The following RTKN2 variants were observed in gnomAD, a reference collection of about 807,000 sequenced individuals.
RTKN2 encodes rhotekin 2.
A neutral mutation model predicts 71.5 loss-of-function variants in RTKN2; 69 were observed. The ratio of observed to expected loss-of-function variants is 0.96; its 90% CI spans 0.79 to 1.18. The LOEUF (loss-of-function observed/expected upper bound fraction) is 1.18. Among genes scored for constraint, RTKN2 ranks in the 50% most tolerant of loss-of-function variants. RTKN2 has a pLI of 0.00. For missense variants in RTKN2, 724 were observed against 719.7 expected (o/e 1.01, Z -0.07); for synonymous variants, 236 against 236.5 (o/e 1.00, Z 0.02).
intron 6 of RTKN2, among the ~76,000 whole-genome samples, chr10:62,227,236 G>A (rs150386428): frequency 2.7e-4 from 41 of 152,090 alleles, no homozygotes; most frequent in Middle Eastern, 3.4e-3. Flanking sequence ...AAGAAAAATA[G>A]ATAGAAAAAT....
At chr10:62,208,820 A>C (rs1841600004) in intron 9 of RTKN2, among the ~76,000 whole-genome samples, 1 of 152,204 alleles carries the variant, frequency 6.6e-6, no homozygotes, top group Admixed American at 6.5e-5. Flanking sequence ...TGTAATCCTT[A>C]ATGAAATAAA....
In RTKN2 at chr10:62,218,276, C is replaced by T; in HGVS notation, c.807G>A (p.Leu269=). The T allele has an allele frequency of 6.2e-7, 1 of 1,610,536 alleles. No individual in the cohort carries two copies. The part of the protein sequence containing the change: ...GNEESSFWLP[L]YGNMCCRLVA... ...CTAGTCGGCAGCACATGTTGCCATA[C>T]AGGGGAAGCCAAAATGAAGACTCCT... The change falls in exon 8 of 12, where the codon CTG becomes CTA. Residue 269 remains leucine (L), a synonymous_variant. Transcript: ENST00000373789.
At chr10:62,208,029 T>C (rs1363201351) in intron 9 of RTKN2, among the ~76,000 whole-genome samples, 1 of 152,118 alleles carries the variant, frequency 6.6e-6, no homozygotes, top group Non-Finnish European at 1.5e-5. Flanking sequence ...TTTTCGTCAG[T>C]CTGCAATTTT....
Position 62,217,100 on chromosome 10 carries a change from A to C in RTKN2, c.1020+18T>G. Reference sequence around the variant, plus strand: ...TCCTAAGATGTATATTTTTTTCTCAAAATAGCATTTCCTTTACCTTGTTAA... The same window carrying C: ...TCCTAAGATGTATATTTTTTTCTCACAATAGCATTTCCTTTACCTTGTTAA... On this transcript the variant is annotated intron_variant, in intron 9 of 11. Coordinates refer to ENST00000373789, the MANE Select transcript of RTKN2 (RefSeq NM_145307.4). The C allele has an allele frequency of 6.5e-7, 1 of 1,544,944 alleles. No homozygotes were observed.
In RTKN2 at chr10:62,236,209, T is replaced by C. The variant is rs1246639100; in HGVS notation, c.543A>G (p.Thr181=). The part of the protein sequence containing the change: ...QIKVEVYSCC[T]EESSITNTPK... Reference sequence around the variant, plus strand: ...GTGTGTTGGTTATAGAAGATTCTTCTGTACAGCAACTATACACTTCCACCT... The same window carrying C: ...GTGTGTTGGTTATAGAAGATTCTTCCGTACAGCAACTATACACTTCCACCT... The change falls in exon 6 of 12, where the codon ACA becomes ACG. Residue 181 remains threonine (T), a synonymous_variant. Transcript: ENST00000373789. The C allele has an allele frequency of 1.2e-6, 2 of 1,612,270 alleles. No homozygotes were observed. The highest frequency in any genetic ancestry group is 1.3e-5 in the African/African-American group (1 of 74,980).
At chr10:62,210,828 T>A (rs1258539164) in intron 9 of RTKN2, among the ~76,000 whole-genome samples, 1 of 152,018 alleles carries the variant, frequency 6.6e-6, no homozygotes, top group Non-Finnish European at 1.5e-5. Context: ...GTTTGAAAAA[T>A]TATTTTTGCT....
intron 9 of RTKN2, among the ~76,000 whole-genome samples, chr10:62,216,830 A>T (rs959738305): frequency 1.3e-5 from 2 of 152,092 alleles, no homozygotes; most frequent in African/African-American, 4.8e-5. Context: ...CTCTTAAGTA[A>T]ATTCATAAAA....
Position 62,198,176 on chromosome 10 carries a change from T to C in RTKN2, c.1562A>G (p.Asn521Ser). The C allele has an allele frequency of 2.5e-6, 4 of 1,614,136 alleles. No homozygotes were observed. The highest frequency in any genetic ancestry group is 2.5e-6 in the Non-Finnish European group (3 of 1,179,976). ...KLPFSLKSQSNTDQLVKDNWG... is the reference protein window; with the variant it reads ...KLPFSLKSQSSTDQLVKDNWG... ...GTTGTCCTTAACCAATTGATCTGTG[T>C]TACTCTGTGATTTTAAGCTGAATGG... Residue 521 changes from asparagine (N) to serine (S), a missense_variant, in exon 12 of 12, where the codon AAC (asparagine) becomes AGC (serine). Asn to Ser is a conservative substitution (Grantham distance 46). Coordinates refer to ENST00000373789, the MANE Select transcript of RTKN2 (RefSeq NM_145307.4).
At chr10:62,190,704 G>A (rs1348259367), downstream of RTKN2, among the ~76,000 whole-genome samples, 2 of 152,090 alleles carry the variant, frequency 1.3e-5, no homozygotes, top group East Asian at 1.9e-4. Context: ...CCAAGACAAC[G>A]TGGCTAGTTA....
At chr10:62,266,830 G>A (rs1842877343) in intron 1 of RTKN2, among the ~76,000 whole-genome samples, 2 of 152,144 alleles carry the variant, frequency 1.3e-5, no homozygotes, top group African/African-American at 2.4e-5. Context: ...AAGCTACAAC[G>A]GTGGAAACTG....
At position 62,206,927 on chromosome 10, in the gene RTKN2, T is replaced by C. The variant is rs915026472; in HGVS notation, c.1021-1905A>G. On this transcript the variant is annotated intron_variant, in intron 9 of 11. Coordinates refer to ENST00000373789, the MANE Select transcript of RTKN2 (RefSeq NM_145307.4). ...CTTATAATCACAAGCAGAGAATGAC[T>C]TAAGCTCTAGGAAGAATCTTTGATA... Among the ~76,000 whole-genome samples the C allele has an allele frequency of 3.9e-5, 6 of 152,002 alleles. No individual in the cohort carries two copies. In the East Asian group the frequency reaches 5.8e-4, roughly 15 times the overall value.
chr10:62,195,606 T>TGAATGAAGGAAGGAAGGAAGGAAG lies in RTKN2; in HGVS notation c.*2301_*2302insCTTCCTTCCTTCCTTCCTTCATTC, dbSNP rs1168688410. 4 of 301,768 alleles carry TGAATGAAGGAAGGAAGGAAGGAAG rather than the reference T, an allele frequency of 1.3e-5. No homozygotes were observed. The highest frequency in any genetic ancestry group is 1.2e-4 in the South Asian group (1 of 8,572). 18.7% of individuals were successfully genotyped at this position (301,768 alleles called of 1,614,324 possible). ...GGGAAGGAGAGACGGACAGAGGGAA[T>TGAATGAAGGAAGGAAGGAAGGAAG]GAAGGAAGGAAGGAAGGAAGGAAGG... On this transcript the variant is annotated 3_prime_UTR_variant, in exon 12 of 12. Transcript: ENST00000373789.
downstream of RTKN2, among the ~76,000 whole-genome samples, chr10:62,189,058 C>CTTT (rs34303718): frequency 0.18 from 24,113 of 135,358 alleles, 2,498 homozygotes; most frequent in African/African-American, 0.26. Context: ...ATATTTCCTA[C>CTTT]TTTTTTTTTT....
chr10:62,259,646 A>G (rs1398766846), intron 2 of RTKN2, among the ~76,000 whole-genome samples: 1 of 152,112 alleles, frequency 6.6e-6, no homozygotes, highest in African/African-American at 2.4e-5. Context: ...TGATATCCCA[A>G]GCTTGAGCAA....
exon 9 of RTKN2, chr10:62,184,387 T>G (rs912079354): frequency 6.5e-7 from 1 of 1,530,078 alleles, no homozygotes; most frequent in South Asian, 1.2e-5. Context: ...TTACTATTAT[T>G]CTGAAAAACA....
intron 7 of RTKN2, among the ~76,000 whole-genome samples, chr10:62,219,388 C>G (rs4636536): frequency 1.3e-5 from 2 of 151,954 alleles, no homozygotes; most frequent in African/African-American, 4.8e-5. Flanking sequence ...GATTGAAGGA[C>G]AATTAAAAAG....
intron 8 of RTKN2, among the ~76,000 whole-genome samples, chr10:62,185,341 G>A (rs1030756569): frequency 1.3e-5 from 2 of 152,156 alleles, no homozygotes; most frequent in Non-Finnish European, 2.9e-5. Flanking sequence ...TGGCAGGCTG[G>A]GCACGGTGGC....
intron 10 of RTKN2, among the ~76,000 whole-genome samples, chr10:62,201,104 A>C (rs1367976558): frequency 6.6e-6 from 1 of 152,142 alleles, no homozygotes; most frequent in African/African-American, 2.4e-5. Flanking sequence ...AGAGTTAGTT[A>C]CTGAGGTTCA....
Position 62,204,944 on chromosome 10 carries a change from G to C in RTKN2, c.1099C>G (p.Gln367Glu), listed in dbSNP as rs151060040. Residue 367 changes from glutamine to glutamate, a missense_variant, in exon 10 of 12, where the codon CAA (glutamine) becomes GAA (glutamate). Physicochemically the swap from Gln to Glu is conservative, Grantham distance 29. Coordinates refer to ENST00000373789, the MANE Select transcript of RTKN2 (RefSeq NM_145307.4). ...NFSVINPVPGQAITQIFAVDN... is the reference protein window; with the variant it reads ...NFSVINPVPGEAITQIFAVDN... The stretch of plus-strand genomic sequence containing the variant: ...ACTGCAAAAATCTGAGTTATAGCTT[G>C]TCCAGGAACAGGATTGATGACAGAG... 140 of 1,604,784 alleles carry C rather than the reference G, an allele frequency of 8.7e-5. No homozygotes were observed. The highest frequency in any genetic ancestry group is 1.1e-4 in the Non-Finnish European group (124 of 1,176,702).
Sources: gnomAD v4.1 joint callset for allele counts (sites outside exome capture counted in the v4.1 genomes callset) on GRCh38, gnomAD v4.1.1 for gene constraint, MANE v1.5 for transcripts, NCBI Gene and HGNC (gene_info 2026-07-23, HGNC 2026-07-21) for gene names.